Variants in BORCS5 observed in about 807,000 individuals in gnomAD.
BORCS5 encodes the protein BLOC-1 related complex subunit 5.
In BORCS5, 17 loss-of-function variants were observed where a neutral mutation model predicts 22.1. The observed-to-expected ratio is 0.77, with a 90% CI of 0.53 to 1.15. BORCS5 has a LOEUF of 1.15. Among genes scored for constraint, BORCS5 ranks in the 50% most tolerant of loss-of-function variants. BORCS5 has a pLI of 0.00. For missense variants in BORCS5, 247 were observed against 253.2 expected, an observed-to-expected ratio of 0.98 and a Z score of 0.17; for synonymous variants, 117 against 99.8, an observed-to-expected ratio of 1.17 and a Z score of -1.03.
At chr12:12,426,365 T>A (rs1729982836) in intron 2 of BORCS5, among the ~76,000 whole-genome samples, 1 of 152,246 alleles carries the variant, frequency 6.6e-6, no homozygotes, top group African/African-American at 2.4e-5. Context: ...CCATTTTACT[T>A]AATTATTCAA....
chr12:12,459,979 C>T (rs78667814), intron 3 of BORCS5, among the ~76,000 whole-genome samples: 9,951 of 152,222 alleles, frequency 0.065, 460 homozygotes, highest in East Asian at 0.2. Context: ...TGTAAGTCTT[C>T]AAACTTTGTT....
chr12:12,373,566 T>TA lies in BORCS5; in HGVS notation c.202+12224dup, dbSNP rs77884065. On this transcript the variant is annotated intron_variant, in intron 2 of 3. Transcript: ENST00000314565. Reference sequence around the variant, plus strand: ...CTTCATGTGCAGAGGCAGAAATCCTTAAAAAAATGCTTTTTAATCCATATT... The same window carrying TA: ...CTTCATGTGCAGAGGCAGAAATCCTTAAAAAAAATGCTTTTTAATCCATATT... 9.5e-3 allele frequency among the ~76,000 whole-genome samples: 1,442 copies of TA among 152,258 alleles called. 82 individuals are homozygous for TA. In the East Asian group the frequency reaches 0.16, roughly 17 times the overall value.
At position 12,370,099 on chromosome 12, in the gene BORCS5, T is replaced by TACACACACACACAC. The variant is rs56408181; in HGVS notation, c.202+8773_202+8786dup. Among the ~76,000 whole-genome samples the TACACACACACACAC allele has an allele frequency of 2.6e-3, 376 of 145,392 alleles. 1 individual carries two copies. Among genetic ancestry groups the TACACACACACACAC allele is most frequent in the East Asian group, 7.7e-3 (38 of 4,966 alleles). ...CGTTAGAAATCCCATAGTGGTTTTA[T>TACACACACACACAC]ACACACACACACACACACACACACA... On this transcript the variant is annotated intron_variant, in intron 2 of 3. Transcript: ENST00000314565.
At chr12:12,362,552 T>C (rs1366175754) in intron 2 of BORCS5, among the ~76,000 whole-genome samples, 1 of 151,778 alleles carries the variant, frequency 6.6e-6, no homozygotes, top group Non-Finnish European at 1.5e-5. Flanking sequence ...TCCTAATCAA[T>C]TTCTTCCCTA....
In BORCS5 at chr12:12,470,975, C is replaced by G. The variant is rs1209846023; in HGVS notation, c.*5199C>G. On this transcript the variant is annotated 3_prime_UTR_variant, in exon 4 of 4. Coordinates refer to ENST00000314565, the MANE Select transcript of BORCS5 (RefSeq NM_058169.6). Reference sequence around the variant, plus strand: ...GGCATGAGTTATGCGAAAAGCTTTTCTGCACCAAGTACTTTCATTCTGGTC... The same window carrying G: ...GGCATGAGTTATGCGAAAAGCTTTTGTGCACCAAGTACTTTCATTCTGGTC... Among the ~76,000 whole-genome samples, 2 of 152,186 alleles carry G rather than the reference C, an allele frequency of 1.3e-5. No individual in the cohort carries two copies. Among genetic ancestry groups the G allele is most frequent in the African/African-American group, 2.4e-5 (1 of 41,444 alleles).
At chr12:12,403,870 T>G (rs758815056) in intron 2 of BORCS5, among the ~76,000 whole-genome samples, 42 of 152,330 alleles carry the variant, frequency 2.8e-4, no homozygotes, top group South Asian at 2.1e-4. Flanking sequence ...TTTGACTTAC[T>G]GATGGCAGGA....
At chr12:12,402,960 C>G (rs1049938397) in intron 2 of BORCS5, among the ~76,000 whole-genome samples, 1 of 152,092 alleles carries the variant, frequency 6.6e-6, no homozygotes, top group African/African-American at 2.4e-5. Flanking sequence ...AGAAAACTTC[C>G]AAAGTGTTTA....
intron 2 of BORCS5, among the ~76,000 whole-genome samples, chr12:12,365,670 C>A (rs767899768): frequency 6.6e-6 from 1 of 151,754 alleles, no homozygotes; most frequent in African/African-American, 2.4e-5. Flanking sequence ...CATCTTGGGC[C>A]GTGATTAGGA....
In BORCS5 at chr12:12,446,735, C is replaced by G. The variant is rs150985544; in HGVS notation, c.360+10950C>G. 9.4e-3 allele frequency among the ~76,000 whole-genome samples: 1,427 copies of G among 152,246 alleles called. 25 individuals carry two copies. The highest frequency in any genetic ancestry group is 0.033 in the African/African-American group (1,363 of 41,518). ...TTTAGTTGACGTCCTGGCGATCCTC[C>G]ATAGTTTTCATTTACACATGAGTAG... On this transcript the variant is annotated intron_variant, in intron 3 of 3. Coordinates refer to ENST00000314565, the MANE Select transcript of BORCS5 (RefSeq NM_058169.6).
chr12:12,358,129 A>G (rs1863188850), intron 1 of BORCS5, among the ~76,000 whole-genome samples: 1 of 152,210 alleles, frequency 6.6e-6, no homozygotes, highest in Admixed American at 6.5e-5. Flanking sequence ...TTGTGTTTGC[A>G]ATACAGTGAG....
At chr12:12,455,105 T>G (rs1230334518) in intron 3 of BORCS5, among the ~76,000 whole-genome samples, 1 of 152,234 alleles carries the variant, frequency 6.6e-6, no homozygotes, top group Non-Finnish European at 1.5e-5. Flanking sequence ...ATTGTTACTT[T>G]TCCATTTAGC....
In BORCS5 at chr12:12,429,955, T is replaced by C. The variant is rs556044527; in HGVS notation, c.203-5673T>C. 2.0e-5 allele frequency among the ~76,000 whole-genome samples: 3 copies of C among 152,180 alleles called. No homozygotes were observed. In the South Asian group the frequency reaches 6.2e-4, roughly 32 times the overall value. On this transcript the variant is annotated intron_variant, in intron 2 of 3. Coordinates refer to ENST00000314565, the MANE Select transcript of BORCS5 (RefSeq NM_058169.6). ...CAGCCTACAGAGATCCTGGGAAGCC[T>C]TTTTCCTCCTAATATCTTCCTAGAC...
Position 12,471,139 on chromosome 12 carries a change from T to G in BORCS5, c.*5363T>G, listed in dbSNP as rs986965429. 2.6e-5 allele frequency among the ~76,000 whole-genome samples: 4 copies of G among 152,182 alleles called. No individual in the cohort carries two copies. Among genetic ancestry groups the G allele is most frequent in the Non-Finnish European group, 5.9e-5 (4 of 68,034 alleles). Reference sequence around the variant, plus strand: ...GACAGCATTTTCAAACGGATTCTAGTGTTTGAGCTGGAACCAAAAGAATGA... The same window carrying G: ...GACAGCATTTTCAAACGGATTCTAGGGTTTGAGCTGGAACCAAAAGAATGA... On this transcript the variant is annotated 3_prime_UTR_variant, in exon 4 of 4. Transcript: ENST00000314565.
At chr12:12,460,502 C>G (rs1204962696) in intron 3 of BORCS5, among the ~76,000 whole-genome samples, 1 of 152,186 alleles carries the variant, frequency 6.6e-6, no homozygotes, top group African/African-American at 2.4e-5. Context: ...ATTGCATTGG[C>G]TACTGCATAT....
chr12:12,389,412 A>G (rs1447091554), intron 2 of BORCS5, among the ~76,000 whole-genome samples: 1 of 150,954 alleles, frequency 6.6e-6, no homozygotes, highest in Non-Finnish European at 1.5e-5. Context: ...TGCTGGGATT[A>G]CAGGTGTGAG....
At chr12:12,445,528 CCTT>C (rs1942769631) in intron 3 of BORCS5, among the ~76,000 whole-genome samples, 1 of 45,310 alleles carries the variant, frequency 2.2e-5, no homozygotes, top group Non-Finnish European at 4.2e-5. Context: ...ATTTGAAATA[CCTT>C]TTTTTTTTTT....
At chr12:12,371,661 G>T (rs542771166) in intron 2 of BORCS5, among the ~76,000 whole-genome samples, 1 of 152,268 alleles carries the variant, frequency 6.6e-6, no homozygotes, top group South Asian at 2.1e-4. Context: ...TGATCTGCAG[G>T]TTTGTACTTT....
rs750002195 is a variant in BORCS5, at chr12:12,361,194, C to CT, written c.59-9dup. On this transcript the variant is annotated splice_polypyrimidine_tract_variant and intron_variant, in intron 1 of 3. Coordinates refer to ENST00000314565, the MANE Select transcript of BORCS5 (RefSeq NM_058169.6). The stretch of plus-strand genomic sequence containing the variant: ...AATATGCATCTCCTAAGCAGTGTAA[C>CT]TTTATTTTCAGTGACTCCTTCACCA... The CT allele has an allele frequency of 3.1e-6, 5 of 1,612,912 alleles. No homozygotes were observed. The highest frequency in any genetic ancestry group is 4.2e-6 in the Non-Finnish European group (5 of 1,179,100).
intron 3 of BORCS5, among the ~76,000 whole-genome samples, chr12:12,436,307 T>G (rs1261417740): frequency 6.6e-6 from 1 of 152,254 alleles, no homozygotes; most frequent in Non-Finnish European, 1.5e-5. Flanking sequence ...GCAAAGTTTT[T>G]AAAGGAAAGA....
Sources: gnomAD v4.1 joint callset for allele counts (sites outside exome capture counted in the v4.1 genomes callset) on GRCh38, gnomAD v4.1.1 for gene constraint, MANE v1.5 for transcripts, NCBI Gene and HGNC (gene_info 2026-07-23, HGNC 2026-07-21) for gene names.